KCNU1: variants seen among roughly 807,000 people sequenced by gnomAD.
KCNU1 encodes the protein potassium channel subfamily U member 1.
A neutral mutation model predicts 126.8 loss-of-function variants in KCNU1; 93 were observed. That is an observed-to-expected ratio of 0.73 (90% CI 0.62 to 0.87). KCNU1 has a LOEUF of 0.87. KCNU1 is among the 40% of genes least tolerant of loss of function. KCNU1 has a pLI of 0.00. For missense variants in KCNU1, 1,330 were observed against 1,367.1 expected (o/e 0.97, Z 0.43); for synonymous variants, 523 against 494.2 (o/e 1.06, Z -0.77).
chr8:36,850,891 T>G (rs891140829), intron 18 of KCNU1, among the ~76,000 whole-genome samples: 1 of 152,232 alleles, frequency 6.6e-6, no homozygotes, highest in African/African-American at 2.4e-5. Flanking sequence ...CAATTGACTT[T>G]AAATATCTGG....
intron 22 of KCNU1, among the ~76,000 whole-genome samples, chr8:36,917,517 A>AT (rs112813620): frequency 0.55 from 81,144 of 146,772 alleles, 22,245 homozygotes; most frequent in Middle Eastern, 0.61. Flanking sequence ...CACCCAGCTA[A>AT]TTTTTTTTTT....
At position 36,807,309 on chromosome 8, in the gene KCNU1, T is replaced by C. The variant is rs554585215; in HGVS notation, c.581-66T>C. 257 of 1,067,158 alleles carry C rather than the reference T, an allele frequency of 2.4e-4. 1 individual carries two copies. The Admixed American group carries it at 4.5e-3, about 18-fold the overall frequency. 66.1% of individuals were successfully genotyped at this position (1,067,158 alleles called of 1,614,324 possible). A position where few individuals can be genotyped will look rare whatever the true frequency, so the allele number is the denominator to read the frequency against. ...AATGTAAGTGATTCCAATGCTGTTATAACGTAGGCTCCCTCTGGAGTGACC... is the reference window on the plus strand; with the variant it reads ...AATGTAAGTGATTCCAATGCTGTTACAACGTAGGCTCCCTCTGGAGTGACC... On this transcript the variant is annotated intron_variant, in intron 5 of 26. Coordinates refer to ENST00000399881, the MANE Select transcript of KCNU1 (RefSeq NM_001031836.3).
At chr8:36,885,384 G>A (rs372527650) in intron 19 of KCNU1, among the ~76,000 whole-genome samples, 3 of 151,952 alleles carry the variant, frequency 2.0e-5, no homozygotes, top group Non-Finnish European at 2.9e-5. Context: ...ATGAAACCCC[G>A]TCTTTAGTAA....
At chr8:36,795,699 C>A (rs1803072041) in intron 2 of KCNU1, 1 of 152,292 alleles carries the variant, frequency 6.6e-6, no homozygotes, top group Admixed American at 6.5e-5. Context: ...TTGATGAATT[C>A]ACTGGACCAC....
At chr8:36,925,245 T>G (rs1374270678) in intron 24 of KCNU1, among the ~76,000 whole-genome samples, 3 of 152,124 alleles carry the variant, frequency 2.0e-5, no homozygotes, top group African/African-American at 7.2e-5. Flanking sequence ...CAACACACAG[T>G]GGATCATCAG....
chr8:36,800,355 C>T (rs560819184), intron 2 of KCNU1, among the ~76,000 whole-genome samples: 1 of 152,110 alleles, frequency 6.6e-6, no homozygotes, highest in Non-Finnish European at 1.5e-5. Flanking sequence ...AATCAAAGTC[C>T]CAGGTTTCTA....
intron 19 of KCNU1, among the ~76,000 whole-genome samples, chr8:36,899,413 C>G (rs1764012078): frequency 6.6e-6 from 1 of 151,936 alleles, no homozygotes; most frequent in African/African-American, 2.4e-5. Flanking sequence ...CACAGCTGAT[C>G]TTGTTTACCT....
intron 24 of KCNU1, among the ~76,000 whole-genome samples, chr8:36,925,255 G>A (rs1312717058): frequency 6.6e-6 from 1 of 152,172 alleles, no homozygotes; most frequent in African/African-American, 2.4e-5. Context: ...TGGATCATCA[G>A]CTTCGCCTTC....
At chr8:36,861,839 C>G (rs1015028264) in intron 18 of KCNU1, among the ~76,000 whole-genome samples, 1 of 152,166 alleles carries the variant, frequency 6.6e-6, no homozygotes, top group Non-Finnish European at 1.5e-5. Context: ...AAATGAAGTC[C>G]TATCACGTAT....
chr8:36,928,990 A>T (rs1808615602), intron 24 of KCNU1: 1 of 699,534 alleles, frequency 1.4e-6, no homozygotes, highest in Admixed American at 2.0e-5. Context: ...AAGAAAACAG[A>T]ATTTAGCAAT....
chr8:36,906,151 GAA>G (rs1483761207), intron 20 of KCNU1, among the ~76,000 whole-genome samples: 1 of 149,478 alleles, frequency 6.7e-6, no homozygotes, highest in Non-Finnish European at 1.5e-5. Flanking sequence ...ATGCACCAGG[GAA>G]ACCTACTGTT....
At chr8:36,846,586 G>T (rs542731566) in intron 18 of KCNU1, among the ~76,000 whole-genome samples, 1 of 152,228 alleles carries the variant, frequency 6.6e-6, no homozygotes, top group Admixed American at 6.5e-5. Flanking sequence ...GGTGGATCAT[G>T]AGGTCAGGAA....
intron 2 of KCNU1, among the ~76,000 whole-genome samples, chr8:36,792,176 A>C (rs1366033347): frequency 6.6e-6 from 1 of 152,190 alleles, no homozygotes; most frequent in Non-Finnish European, 1.5e-5. Context: ...CCCTATCCCC[A>C]GAAGCAAGTA....
chr8:36,935,635 A>G lies in KCNU1; in HGVS notation c.3165A>G (p.Ser1055=). ...ATGAAGAGTTCTCATTGCAAAAGTCATATGAAATTGTAAATAAAGCATCAC... is the reference window on the plus strand; with the variant it reads ...ATGAAGAGTTCTCATTGCAAAAGTCGTATGAAATTGTAAATAAAGCATCAC... ...KRNEEFSLQK[S]YEIVNKASQT... The change falls in exon 27 of 27, where the codon TCA becomes TCG. Residue 1055 remains serine (S), a synonymous_variant. Coordinates refer to ENST00000399881, the MANE Select transcript of KCNU1 (RefSeq NM_001031836.3). 6.2e-7 allele frequency: 1 copy of G among 1,613,536 alleles called. No homozygotes were observed. The highest frequency in any genetic ancestry group is 2.2e-5 in the East Asian group (1 of 44,858).
chr8:36,805,773 T>C (rs1181010254), intron 4 of KCNU1, among the ~76,000 whole-genome samples: 1 of 152,188 alleles, frequency 6.6e-6, no homozygotes, highest in East Asian at 1.9e-4. Flanking sequence ...TCATTTCTTG[T>C]TTGTGGGAGA....
At chr8:36,857,262 A>C (rs1805560234) in intron 18 of KCNU1, among the ~76,000 whole-genome samples, 1 of 152,200 alleles carries the variant, frequency 6.6e-6, no homozygotes, top group African/African-American at 2.4e-5. Flanking sequence ...GTGATACCTA[A>C]ACAGAGCCTC....
chr8:36,856,564 C>A (rs1805534859), intron 18 of KCNU1, among the ~76,000 whole-genome samples: 1 of 149,544 alleles, frequency 6.7e-6, no homozygotes, highest in South Asian at 2.1e-4. Flanking sequence ...GGTTAACAAC[C>A]ATTGGGCTTA....
intron 19 of KCNU1, among the ~76,000 whole-genome samples, chr8:36,894,625 A>C (rs1807109688): frequency 6.6e-6 from 1 of 152,130 alleles, no homozygotes. Context: ...GATACAGCTT[A>C]GTTATTATTT....
intron 19 of KCNU1, among the ~76,000 whole-genome samples, chr8:36,890,400 C>T (rs1334501647): frequency 6.6e-6 from 1 of 151,842 alleles, no homozygotes; most frequent in Non-Finnish European, 1.5e-5. Context: ...CTGCAATAAG[C>T]TACATGCACT....
Sources: gnomAD v4.1 joint callset for allele counts (sites outside exome capture counted in the v4.1 genomes callset) on GRCh38, gnomAD v4.1.1 for gene constraint, MANE v1.5 for transcripts, NCBI Gene and HGNC (gene_info 2026-07-23, HGNC 2026-07-21) for gene names.